SORCS2: variants seen among roughly 807,000 people sequenced by gnomAD.
SORCS2 encodes sortilin related VPS10 domain containing receptor 2, also known as VPS10 domain-containing receptor SorCS2.
In SORCS2, 100 loss-of-function variants were observed where a neutral mutation model predicts 141.6. The ratio of observed to expected loss-of-function variants is 0.71; its 90% CI spans 0.60 to 0.83. SORCS2 has a LOEUF of 0.83. SORCS2 is among the 40% of genes least tolerant of loss of function. The pLI is 0.00. For synonymous variants in SORCS2, 789 were observed against 676.9 expected (o/e 1.17, Z -2.57); for missense variants, 1,646 against 1,560.2 (o/e 1.05, Z -0.93).
chr4:7,603,171 A>G (rs56057767), intron 3 of SORCS2, among the ~76,000 whole-genome samples: 44,344 of 148,606 alleles, frequency 0.3, 6,937 homozygotes, highest in Middle Eastern at 0.35. Flanking sequence ...GAGGGAGACC[A>G]TGGAAAGAGA....
chr4:7,547,973 A>G (rs571732653), intron 3 of SORCS2, among the ~76,000 whole-genome samples: 1 of 152,362 alleles, frequency 6.6e-6, no homozygotes, highest in East Asian at 1.9e-4. Flanking sequence ...CTGCAGGCCA[A>G]CATCTGTGGA....
intron 1 of SORCS2, among the ~76,000 whole-genome samples, chr4:7,360,870 C>G (rs895477160): frequency 6.6e-6 from 1 of 151,664 alleles, no homozygotes; most frequent in African/African-American, 2.4e-5. Flanking sequence ...CAGCCACTGC[C>G]CGGCCCGCCC....
intron 1 of SORCS2, among the ~76,000 whole-genome samples, chr4:7,228,405 G>T (rs1711569918): frequency 6.6e-6 from 1 of 152,224 alleles, no homozygotes; most frequent in African/African-American, 2.4e-5. Context: ...CATGTGTCCG[G>T]TGCTGTGGGG....
intron 3 of SORCS2, among the ~76,000 whole-genome samples, chr4:7,626,090 T>C (rs12508575): frequency 9.2e-5 from 14 of 151,882 alleles, no homozygotes; most frequent in Non-Finnish European, 1.8e-4. Flanking sequence ...GAGGCTGCAG[T>C]GAGCTGAGAT....
intron 1 of SORCS2, among the ~76,000 whole-genome samples, chr4:7,360,766 A>G (rs2109023006): frequency 6.7e-6 from 1 of 150,332 alleles, no homozygotes; most frequent in South Asian, 2.1e-4. Flanking sequence ...TATTTTTTTT[A>G]TAGAGACGGG....
chr4:7,715,380 C>T (rs977643597), intron 17 of SORCS2, 69 bp downstream of exon 17: 43 of 1,582,184 alleles, frequency 2.7e-5, no homozygotes, highest in African/African-American at 1.6e-4. Flanking sequence ...CCCGAAACCA[C>T]GCCTTCCTGG....
intron 1 of SORCS2, among the ~76,000 whole-genome samples, chr4:7,267,081 A>G (rs532394211): frequency 1.3e-5 from 2 of 152,276 alleles, no homozygotes; most frequent in East Asian, 3.9e-4. Context: ...CAAAGCACGA[A>G]ATAGTTTCTC....
At chr4:7,309,780 C>T (rs1718067255) in intron 1 of SORCS2, among the ~76,000 whole-genome samples, 1 of 152,146 alleles carries the variant, frequency 6.6e-6, no homozygotes, top group Non-Finnish European at 1.5e-5. Flanking sequence ...TAGCTGTGTC[C>T]AGGCTGGGGA....
intron 1 of SORCS2, among the ~76,000 whole-genome samples, chr4:7,200,473 G>A (rs1727427580): frequency 6.6e-6 from 1 of 152,180 alleles, no homozygotes; most frequent in Admixed American, 6.5e-5. Context: ...CCATCTGTAA[G>A]GTGAGCGTCA....
intron 1 of SORCS2, among the ~76,000 whole-genome samples, chr4:7,340,377 C>T (rs1159857219): frequency 6.6e-6 from 1 of 152,234 alleles, no homozygotes; most frequent in Non-Finnish European, 1.5e-5. Flanking sequence ...AAAACCAAGA[C>T]AGTCCAGGCA....
At chr4:7,494,788 GC>G (rs980376391) in intron 2 of SORCS2, among the ~76,000 whole-genome samples, 286 of 11,938 alleles carry the variant, frequency 0.024, no homozygotes, top group East Asian at 0.12. Flanking sequence ...GCAGTGGTTG[GC>G]GGTAAGGGGT....
At chr4:7,583,549 G>C (rs1051064353) in intron 3 of SORCS2, among the ~76,000 whole-genome samples, 1 of 152,208 alleles carries the variant, frequency 6.6e-6, no homozygotes, top group African/African-American at 2.4e-5. Context: ...CCCAGTGGGA[G>C]ATAACTGAAT....
chr4:7,510,816 T>G (rs867408614), intron 2 of SORCS2, among the ~76,000 whole-genome samples: 15 of 152,328 alleles, frequency 9.8e-5, no homozygotes, highest in African/African-American at 3.6e-4. Flanking sequence ...GAGTGGAGCC[T>G]CCGGGCCACT....
intron 15 of SORCS2, among the ~76,000 whole-genome samples, chr4:7,713,400 C>T (rs7664749): frequency 0.021 from 3,171 of 151,704 alleles, 114 homozygotes; most frequent in African/African-American, 0.073. Flanking sequence ...TGGAACTGCT[C>T]GGGGGTGGGT....
chr4:7,498,915 G>A (rs4388088), intron 2 of SORCS2, among the ~76,000 whole-genome samples: 117,136 of 152,110 alleles, frequency 0.77, 48,779 homozygotes, highest in South Asian at 0.96. Context: ...CAAGCTGAGC[G>A]TGGAGTGGCT....
At chr4:7,519,140 T>C (rs1272062412) in intron 2 of SORCS2, among the ~76,000 whole-genome samples, 1 of 151,836 alleles carries the variant, frequency 6.6e-6, no homozygotes, top group African/African-American at 2.4e-5. Context: ...CTGCTGGAGG[T>C]TGACAAGGCT....
intron 3 of SORCS2, among the ~76,000 whole-genome samples, chr4:7,560,787 A>T (rs1349720726): frequency 2.6e-5 from 4 of 152,080 alleles, no homozygotes; most frequent in Non-Finnish European, 4.4e-5. Context: ...TTGGATATTG[A>T]TTCTTGTAAG....
At chr4:7,269,662 G>T (rs563076153) in intron 1 of SORCS2, among the ~76,000 whole-genome samples, 1 of 152,202 alleles carries the variant, frequency 6.6e-6, no homozygotes, top group Non-Finnish European at 1.5e-5. Context: ...GCTGGGAGCC[G>T]CCAGAAGCCA....
intron 1 of SORCS2, among the ~76,000 whole-genome samples, chr4:7,207,001 C>T (rs1727779644): frequency 1.3e-5 from 2 of 152,134 alleles, no homozygotes; most frequent in Non-Finnish European, 2.9e-5. Context: ...CATCACCCAC[C>T]TGCTCGCTCA....
Sources: gnomAD v4.1 joint callset for allele counts (sites outside exome capture counted in the v4.1 genomes callset) on GRCh38, gnomAD v4.1.1 for gene constraint, MANE v1.5 for transcripts, NCBI Gene and HGNC (gene_info 2026-07-23, HGNC 2026-07-21) for gene names.